Variants in HEATR1 observed in about 807,000 individuals in gnomAD.
HEATR1 encodes the protein HEAT repeat-containing protein 1.
A neutral mutation model predicts 248.2 loss-of-function variants in HEATR1; 77 were observed. That is an observed-to-expected ratio of 0.31 (90% confidence interval 0.26 to 0.37). The LOEUF (loss-of-function observed/expected upper bound fraction) is 0.37, where lower values mean the gene tolerates loss of function less well. Among genes scored for constraint, HEATR1 ranks in the 10% least tolerant of loss-of-function variants. The probability of loss-of-function intolerance (pLI) is 1.00; values close to 1 mark genes in which losing one functional copy is unlikely to be tolerated. For synonymous variants in HEATR1, 897 were observed against 923.1 expected (o/e 0.97, Z 0.51); for missense variants, 2,420 against 2,504.9 (o/e 0.97, Z 0.72).
intron 2 of HEATR1, 94 bp downstream of exon 2, chr1:236,603,860 G>C (rs1207606647): frequency 1.5e-6 from 2 of 1,325,128 alleles, no homozygotes; most frequent in African/African-American, 1.6e-5. Flanking sequence ...GGAAGAGGAC[G>C]GGACAGAAGA....
chr1:236,561,382 G>GT (rs1377997243), intron 32 of HEATR1, 111 bp from the exon 33 acceptor site: 7 of 777,118 alleles, frequency 9.0e-6, no homozygotes, highest in East Asian at 4.9e-5. Context: ...CACAGCAACT[G>GT]TTTTCTGACA....
chr1:236,572,039 G>A (rs1450541268), intron 26 of HEATR1, among the ~76,000 whole-genome samples: 6 of 151,864 alleles, frequency 4.0e-5, no homozygotes, highest in Admixed American at 3.9e-4. Context: ...TACGTATATA[G>A]AATATATACA....
intron 4 of HEATR1, among the ~76,000 whole-genome samples, chr1:236,598,500 A>G (rs1558193375): frequency 1.3e-5 from 2 of 152,060 alleles, no homozygotes; most frequent in Admixed American, 1.3e-4. Context: ...GCTACCTGCA[A>G]TAAGAGTGCC....
chr1:236,596,688 T>C (rs1664184891), intron 6 of HEATR1, 148 bp downstream of exon 6: 1 of 696,888 alleles, frequency 1.4e-6, no homozygotes, highest in Non-Finnish European at 2.3e-6. Context: ...AATAAAAAAG[T>C]GTCATATTTT....
chr1:236,570,935 T>C (rs187526881), intron 28 of HEATR1, among the ~76,000 whole-genome samples: 3 of 152,334 alleles, frequency 2.0e-5, no homozygotes, highest in Non-Finnish European at 2.9e-5. Flanking sequence ...TTAAATGACA[T>C]AGTTTATGAT....
In HEATR1 at chr1:236,603,274, T is replaced by C; in HGVS notation, c.245A>G (p.Gln82Arg). The C allele has an allele frequency of 6.2e-7, 1 of 1,614,194 alleles. No individual in the cohort carries two copies. The highest frequency in any genetic ancestry group is 8.5e-7 in the Non-Finnish European group (1 of 1,180,004). Residue 82 changes from glutamine to arginine, a missense_variant, in exon 3 of 45, where the codon CAG (glutamine) becomes CGG (arginine). By Grantham distance (43) the Gln-to-Arg change is conservative (BLOSUM62 1). Transcript: ENST00000366582. ...CAACTGTTTGTTTACTGCTTTGGTC[T>C]GAACACTTCGCTCCAAGGTTTTTGC... ...QLAKTLERSV[Q>R]TKAVNKQLDE...
Position 236,571,375 on chromosome 1 carries a change from CA to C in HEATR1, c.3923del (p.Leu1308TrpfsTer30). 6.2e-7 allele frequency: 1 copy of C among 1,600,936 alleles called. No homozygotes were observed. The highest frequency in any genetic ancestry group is 8.5e-7 in the Non-Finnish European group (1 of 1,176,932). ...CCGGAAATATTCCAGCAACAGTGCC[CA>C]AAAGTAAAAGGGCATGGTGATGGGT... ...PQTHHHALLL[L>X]GTVAGIFPDK... is the part of the protein sequence containing the mutation. On this transcript the variant is annotated frameshift_variant, in exon 28 of 45. Coordinates refer to ENST00000366582, the MANE Select transcript of HEATR1 (RefSeq NM_018072.6). LOFTEE classifies it high-confidence loss of function.
Position 236,550,700 on chromosome 1 carries a change from G to C in HEATR1, c.*202C>G, listed in dbSNP as rs1662688779. The C allele has an allele frequency of 2.1e-6, 1 of 478,270 alleles. No homozygotes were observed. The highest frequency in any genetic ancestry group is 3.8e-5 in the Admixed American group (1 of 26,330). The allele number at this position is 478,270 out of a possible 1,614,324, so 29.6% of individuals were successfully genotyped here. Reference sequence around the variant, plus strand: ...ATACCGTGTATCATTTACTCTTTCTGCAGCTCTATACGATAGGCAGGAGAG... The same window carrying C: ...ATACCGTGTATCATTTACTCTTTCTCCAGCTCTATACGATAGGCAGGAGAG... On this transcript the variant is annotated 3_prime_UTR_variant, in exon 45 of 45. Coordinates refer to ENST00000366582, the MANE Select transcript of HEATR1 (RefSeq NM_018072.6).
intron 8 of HEATR1, among the ~76,000 whole-genome samples, 189 bp from the exon 9 acceptor site, chr1:236,594,303 AT>A (rs1413513919): frequency 1.3e-5 from 2 of 152,194 alleles, no homozygotes; most frequent in Non-Finnish European, 2.9e-5. Flanking sequence ...TTTTGTATAG[AT>A]CACCTTCATT....
At chr1:236,557,427 A>C in intron 36 of HEATR1, 82 bp from the exon 37 acceptor site, 9 of 1,444,336 alleles carry the variant, frequency 6.2e-6, no homozygotes, top group Non-Finnish European at 1.9e-6. Context: ...TATGAAAAAA[A>C]CCAGCAAACT....
chr1:236,568,761 A>G (rs1663339210), intron 29 of HEATR1, among the ~76,000 whole-genome samples: 1 of 152,148 alleles, frequency 6.6e-6, no homozygotes, highest in Non-Finnish European at 1.5e-5. Context: ...ACCAGCTATA[A>G]CACGTTTGTT....
At chr1:236,552,277 T>C in intron 43 of HEATR1, 170 bp from the exon 44 acceptor site, 1 of 496,760 alleles carries the variant, frequency 2.0e-6, no homozygotes, top group Non-Finnish European at 3.5e-6. Flanking sequence ...GTTTCACCAT[T>C]TGGGAGCTGT....
intron 3 of HEATR1, 57 bp from the exon 4 acceptor site, chr1:236,599,681 T>C (rs937502138): frequency 6.8e-7 from 1 of 1,471,534 alleles, no homozygotes; most frequent in Non-Finnish European, 9.3e-7. Flanking sequence ...TAAGCACCTA[T>C]TTCCTCACAT....
chr1:236,581,338 G>A lies in HEATR1; in HGVS notation c.2639C>T (p.Pro880Leu), dbSNP rs760750212. ...LWTYGSSLSN[P>L]LNCSVKTVLQ... Reference sequence around the variant, plus strand: ...CACTGTTTTCACACTGCAGTTTAGTGGATTTGAAAGGCTAGAACCATAGGT... The same window carrying A: ...CACTGTTTTCACACTGCAGTTTAGTAGATTTGAAAGGCTAGAACCATAGGT... Residue 880 changes from proline (P) to leucine (L), a missense_variant, in exon 20 of 45, where the codon CCA (proline) becomes CTA (leucine). Coordinates refer to ENST00000366582, the MANE Select transcript of HEATR1 (RefSeq NM_018072.6). 13 of 1,611,652 alleles carry A rather than the reference G, an allele frequency of 8.1e-6. No individual in the cohort carries two copies. The highest frequency in any genetic ancestry group is 1.1e-5 in the Non-Finnish European group (13 of 1,179,238).
rs10925163 is a variant in HEATR1 at position 236,574,633 on chromosome 1, G to C, written c.3327+28C>G. The C allele has an allele frequency of 0.015, 23,344 of 1,601,698 alleles. 2,260 individuals are homozygous for C. In the African/African-American group the frequency reaches 0.24, roughly 16 times the overall value. ...ACCTTTAAATGCTTGAACATGCTATGCCTTAGTTTCTGAAAGAAATCACTG... is the reference window on the plus strand; with the variant it reads ...ACCTTTAAATGCTTGAACATGCTATCCCTTAGTTTCTGAAAGAAATCACTG... On this transcript the variant is annotated intron_variant, in intron 23 of 44. Transcript: ENST00000366582.
intron 5 of HEATR1, among the ~76,000 whole-genome samples, chr1:236,597,442 G>A (rs934191262): frequency 7.2e-5 from 11 of 151,788 alleles, no homozygotes; most frequent in African/African-American, 1.7e-4. Flanking sequence ...TAGTAGAGAC[G>A]GTGTTTCACC....
chr1:236,582,774 C>T lies in HEATR1; in HGVS notation c.2524G>A (p.Ala842Thr). ...LFEMMLNGAD[A>T]VHFRVLMKLF... ...TTCATCAGAACTCTGAAATGAACAG[C>T]ATCGGCACCATTGAGCATCATCTCA... The change falls in exon 19 of 45, where the codon GCT (alanine) becomes ACT (threonine). Residue 842 changes from alanine (A) to threonine (T), a missense_variant. By Grantham distance (58) the Ala-to-Thr change is moderately conservative. Coordinates refer to ENST00000366582, the MANE Select transcript of HEATR1 (RefSeq NM_018072.6). 6.2e-7 allele frequency: 1 copy of T among 1,614,174 alleles called. No homozygotes were observed. The highest frequency in any genetic ancestry group is 2.2e-5 in the East Asian group (1 of 44,882).
At position 236,576,254 on chromosome 1, in the gene HEATR1, C is replaced by A; in HGVS notation, c.3049G>T (p.Asp1017Tyr). The A allele has an allele frequency of 6.2e-7, 1 of 1,607,390 alleles. No homozygotes were observed. The highest frequency in any genetic ancestry group is 8.5e-7 in the Non-Finnish European group (1 of 1,178,104). The change falls in exon 22 of 45, where the codon GAT becomes TAT. Residue 1017 changes from aspartate (D) to tyrosine (Y), a missense_variant. Physicochemically the swap from Asp to Tyr is radical, Grantham distance 160 (BLOSUM62 -3). Transcript: ENST00000366582. ...VYSCPSYIAK[D>Y]LMKVLQGVNG... ...ACTCCCTGAAGTACTTTCATCAAAT[C>A]TTTTGCTATATAAGATGGGCAACTA...
At chr1:236,567,606 G>A (rs1663307787) in intron 29 of HEATR1, among the ~76,000 whole-genome samples, 2 of 152,236 alleles carry the variant, frequency 1.3e-5, no homozygotes, top group African/African-American at 2.4e-5. Flanking sequence ...CTACTCAGGA[G>A]GCTGAGGCAG....
Sources: gnomAD v4.1 joint callset for allele counts (sites outside exome capture counted in the v4.1 genomes callset) on GRCh38, gnomAD v4.1.1 for gene constraint, MANE v1.5 for transcripts, NCBI Gene and HGNC (gene_info 2026-07-23, HGNC 2026-07-21) for gene names.